The following ABI3 variants were observed in gnomAD, a reference collection of about 807,000 sequenced individuals.
The protein encoded by ABI3 is ABI gene family member 3.
Under a neutral mutation model 37.0 loss-of-function variants are expected in ABI3, and 24 were observed. That is an observed-to-expected ratio of 0.65 (90% confidence interval 0.47 to 0.91). The LOEUF is 0.91. ABI3 is among the 40% of genes least tolerant of loss of function. ABI3 has a pLI of 0.00. For synonymous variants in ABI3, 220 were observed against 211.8 expected (o/e 1.04, Z -0.34); for missense variants, 481 against 485.1 (o/e 0.99, Z 0.08).
At chr17:49,216,800 A>G in intron 2 of ABI3, 102 bp downstream of exon 2, 1 of 1,278,996 alleles carries the variant, frequency 7.8e-7, no homozygotes, top group Non-Finnish European at 1.0e-6. Context: ...GCTTTCCTCC[A>G]TGTCCAAATG....
At chr17:49,217,645 C>G (rs945980985) in intron 2 of ABI3, 94 bp from the exon 3 acceptor site, 21 of 1,214,384 alleles carry the variant, frequency 1.7e-5, no homozygotes, top group Non-Finnish European at 2.1e-5. Context: ...GGCTGCCTCC[C>G]CCCCCCAGCC....
chr17:49,216,303 C>A (rs1164330274), intron 1 of ABI3, among the ~76,000 whole-genome samples: 1 of 151,978 alleles, frequency 6.6e-6, no homozygotes, highest in Non-Finnish European at 1.5e-5. Context: ...CCCTTTGCAT[C>A]CATTCCCCAA....
Position 49,219,605 on chromosome 17 carries a change from ACCC to A in ABI3, c.529_531del (p.Pro177del). 6.3e-7 allele frequency: 1 copy of A among 1,594,842 alleles called. No individual in the cohort carries two copies. Among genetic ancestry groups the A allele is most frequent in the South Asian group, 1.1e-5 (1 of 88,984 alleles). On this transcript the variant is annotated inframe_deletion, in exon 4 of 8. Transcript: ENST00000225941. This position sits in a 1 kb window ranked among gnomAD's most constrained non-coding sequence, Gnocchi z 4.3. Reference sequence around the variant, plus strand: ...GAAAGAGCATCAAGGCCCCTGCCACACCCGCCTCCGCCACCTTGGGGTGAGGCC... The same window carrying A: ...GAAAGAGCATCAAGGCCCCTGCCACAGCCTCCGCCACCTTGGGGTGAGGCC...
chr17:49,222,704 C>T lies in ABI3; in HGVS notation c.1090C>T (p.Pro364Ser). ...TGFFPGNYVE[P>S]SC is the part of the protein sequence containing the mutation. ...ATTCTTCCCTGGGAACTATGTGGAG[C>T]CCAGCTGCTGACAGCCCAGGGCTCT... Residue 364 changes from proline to serine, a missense_variant, in exon 8 of 8, where the codon CCC becomes TCC. By Grantham distance (74) the Pro-to-Ser change is moderately conservative. Coordinates refer to ENST00000225941, the MANE Select transcript of ABI3 (RefSeq NM_016428.3). 1 of 1,571,822 alleles carries T rather than the reference C, an allele frequency of 6.4e-7. No homozygotes were observed. Among genetic ancestry groups the T allele is most frequent in the Non-Finnish European group, 8.6e-7 (1 of 1,158,882 alleles).
chr17:49,222,165 C>A lies in ABI3; in HGVS notation c.877C>A (p.Pro293Thr), dbSNP rs761344907. 1 of 1,613,830 alleles carries A rather than the reference C, an allele frequency of 6.2e-7. No individual in the cohort carries two copies. Among genetic ancestry groups the A allele is most frequent in the South Asian group, 1.1e-5 (1 of 91,036 alleles). The stretch of plus-strand genomic sequence containing the variant: ...TGGAGATGAATTGGGGCTGCCTCCA[C>A]CCCCACCAGGATTTGGGCCTGATGA... Reference protein sequence around the residue: ...LDGDELGLPPPPPGFGPDEPS... With the variant: ...LDGDELGLPPTPPGFGPDEPS... Residue 293 changes from proline (P) to threonine (T), a missense_variant, in exon 7 of 8, where the codon CCC becomes ACC. Physicochemically the swap from Pro to Thr is conservative, Grantham distance 38 (BLOSUM62 -1). Coordinates refer to ENST00000225941, the MANE Select transcript of ABI3 (RefSeq NM_016428.3).
In ABI3 at chr17:49,219,754, C is replaced by T; in HGVS notation, c.549-104C>T. On this transcript the variant is annotated intron_variant, in intron 4 of 7. Coordinates refer to ENST00000225941, the MANE Select transcript of ABI3 (RefSeq NM_016428.3). This position sits in a 1 kb window ranked among gnomAD's most constrained non-coding sequence, Gnocchi z 4.3. ...AGGCCGTCATGCTGGATGCCTGGCGCCAAACCTCCCCCTCGGCCACCTGCC... is the reference window on the plus strand; with the variant it reads ...AGGCCGTCATGCTGGATGCCTGGCGTCAAACCTCCCCCTCGGCCACCTGCC... The T allele has an allele frequency of 7.0e-7, 1 of 1,423,316 alleles. No homozygotes were observed. Among genetic ancestry groups the T allele is most frequent in the Non-Finnish European group, 9.6e-7 (1 of 1,042,662 alleles). 88.2% of individuals were successfully genotyped at this position (1,423,316 alleles called of 1,614,324 possible). A position where few individuals can be genotyped will look rare whatever the true frequency, so the allele number is the denominator to read the frequency against.
At chr17:49,214,032 A>G (rs193178557) in intron 1 of ABI3, among the ~76,000 whole-genome samples, 13 of 152,370 alleles carry the variant, frequency 8.5e-5, no homozygotes, top group East Asian at 3.9e-4. Flanking sequence ...GCAAATGAGC[A>G]TCTCTTTCCT....
At position 49,217,660 on chromosome 17, in the gene ABI3, C is replaced by G. The variant is rs184025831; in HGVS notation, c.286-79C>G. 8 of 1,394,568 alleles carry G rather than the reference C, an allele frequency of 5.7e-6. No individual in the cohort carries two copies. In the Admixed American group the frequency reaches 2.1e-4, roughly 36 times the overall value. The allele number at this position is 1,394,568 out of a possible 1,614,324, so 86.4% of individuals were successfully genotyped here. On this transcript the variant is annotated intron_variant, in intron 2 of 7. Coordinates refer to ENST00000225941, the MANE Select transcript of ABI3 (RefSeq NM_016428.3). The stretch of plus-strand genomic sequence containing the variant: ...GGCTGCCTCCCCCCCCCAGCCCAGT[C>G]TTTATCTTCTTCCTCCTTAGGGGGA...
intron 7 of ABI3, 126 bp from the exon 8 acceptor site, chr17:49,222,426 C>T (rs1019910015): frequency 3.6e-6 from 5 of 1,394,420 alleles, no homozygotes; most frequent in Middle Eastern, 2.1e-4. Flanking sequence ...TGAAGGCTTG[C>T]AAGAAGGCCC....
intron 1 of ABI3, among the ~76,000 whole-genome samples, chr17:49,212,641 C>T (rs1320185011): frequency 3.3e-5 from 5 of 152,184 alleles, no homozygotes; most frequent in African/African-American, 1.2e-4. Flanking sequence ...AGGCGAGTCC[C>T]ATGCCCACTT....
Position 49,219,731 on chromosome 17 carries a change from GC to G in ABI3, c.548+108del. On this transcript the variant is annotated intron_variant, in intron 4 of 7. Transcript: ENST00000225941. The surrounding 1 kb of genome is among the most constrained non-coding windows in gnomAD (Gnocchi z 4.3). Reference sequence around the variant, plus strand: ...ACCCCTGGCGCCCCCGGGTGCTCAGGCCGTCATGCTGGATGCCTGGCGCCAA... The same window carrying G: ...ACCCCTGGCGCCCCCGGGTGCTCAGGCGTCATGCTGGATGCCTGGCGCCAA... 1 of 1,419,988 alleles carries G rather than the reference GC, an allele frequency of 7.0e-7. No individual in the cohort carries two copies. The allele number at this position is 1,419,988 out of a possible 1,614,324, so 88.0% of individuals were successfully genotyped here. A position where few individuals can be genotyped will look rare whatever the true frequency, so the allele number is the denominator to read the frequency against.
At position 49,223,142 on chromosome 17, in the gene ABI3, C is replaced by T; in HGVS notation, c.*427C>T. The T allele has an allele frequency of 2.4e-6, 1 of 416,766 alleles. No individual in the cohort carries two copies. The highest frequency in any genetic ancestry group is 9.7e-5 in the South Asian group (1 of 10,314). 25.8% of individuals were successfully genotyped at this position (416,766 alleles called of 1,614,324 possible). A position where few individuals can be genotyped will look rare whatever the true frequency, so the allele number is the denominator to read the frequency against. ...CCTAGAAGCAGCATCTTCCCATTTC[C>T]TCAGTACCCACAAAGTGCAGCCCAC... On this transcript the variant is annotated 3_prime_UTR_variant, in exon 8 of 8. Coordinates refer to ENST00000225941, the MANE Select transcript of ABI3 (RefSeq NM_016428.3).
intron 6 of ABI3, 49 bp downstream of exon 6, chr17:49,220,375 C>T (rs1361461874): frequency 2.6e-6 from 4 of 1,521,278 alleles, no homozygotes; most frequent in Non-Finnish European, 3.5e-6. Context: ...GCTTTTCTGC[C>T]TCCTGCCACT....
intron 3 of ABI3, 36 bp downstream of exon 3, chr17:49,217,951 A>C: frequency 1.4e-6 from 2 of 1,468,186 alleles, no homozygotes; most frequent in South Asian, 1.4e-5. Context: ...CCTCCAACCC[A>C]CCCTCTCGTG....
intron 6 of ABI3, among the ~76,000 whole-genome samples, chr17:49,221,287 G>A (rs182140871): frequency 0.27 from 41,070 of 150,878 alleles, 6,509 homozygotes; most frequent in African/African-American, 0.45. Context: ...TGGCTAACAT[G>A]GTGAAACCCT....
At position 49,216,670 on chromosome 17, in the gene ABI3, T is replaced by TG; in HGVS notation, c.259dup (p.Glu87GlyfsTer201). 1 of 1,592,044 alleles carries TG rather than the reference T, an allele frequency of 6.3e-7. No individual in the cohort carries two copies. Among genetic ancestry groups the TG allele is most frequent in the Non-Finnish European group, 8.5e-7 (1 of 1,170,222 alleles). On this transcript the variant is annotated frameshift_variant, in exon 2 of 8. Coordinates refer to ENST00000225941, the MANE Select transcript of ABI3 (RefSeq NM_016428.3). LOFTEE classifies it high-confidence loss of function. Reference sequence around the variant, plus strand: ...CTGCAGGGGGCCGCCCTGCGGCAGGTGGAAGCCCGTGTAAGCACGCTGGGC... The same window carrying TG: ...CTGCAGGGGGCCGCCCTGCGGCAGGTGGGAAGCCCGTGTAAGCACGCTGGGC...
intron 1 of ABI3, among the ~76,000 whole-genome samples, chr17:49,213,436 G>A (rs887518907): frequency 6.6e-6 from 1 of 152,136 alleles, no homozygotes; most frequent in Non-Finnish European, 1.5e-5. Flanking sequence ...CAGAACTTCT[G>A]TTACCTAAGG....
Position 49,222,843 on chromosome 17 carries a change from C to A in ABI3, c.*128C>A. 9.1e-7 allele frequency: 1 copy of A among 1,101,614 alleles called. No individual in the cohort carries two copies. The highest frequency in any genetic ancestry group is 1.3e-6 in the Non-Finnish European group (1 of 791,244). 68.2% of individuals were successfully genotyped at this position (1,101,614 alleles called of 1,614,324 possible). ...CTTGGGCTGTGAGCTGTGTTCTGTC[C>A]TTCCTCCCATCGGAGGGAGAAGGGG... On this transcript the variant is annotated 3_prime_UTR_variant, in exon 8 of 8. Coordinates refer to ENST00000225941, the MANE Select transcript of ABI3 (RefSeq NM_016428.3).
At position 49,222,831 on chromosome 17, in the gene ABI3, C is replaced by A; in HGVS notation, c.*116C>A. ...GTCTGCCCACCTCTTGGGCTGTGAG[C>A]TGTGTTCTGTCCTTCCTCCCATCGG... On this transcript the variant is annotated 3_prime_UTR_variant, in exon 8 of 8. Coordinates refer to ENST00000225941, the MANE Select transcript of ABI3 (RefSeq NM_016428.3). 8.3e-7 allele frequency: 1 copy of A among 1,201,700 alleles called. No homozygotes were observed. The highest frequency in any genetic ancestry group is 1.1e-6 in the Non-Finnish European group (1 of 871,926). 74.4% of individuals were successfully genotyped at this position (1,201,700 alleles called of 1,614,324 possible). A position where few individuals can be genotyped will look rare whatever the true frequency, so the allele number is the denominator to read the frequency against.
Sources: allele counts gnomAD v4.1 joint callset (sites outside exome capture counted in the v4.1 genomes callset), GRCh38; gene constraint gnomAD v4.1.1; non-coding constraint Gnocchi (gnomAD v3.1); transcripts MANE v1.5; gene names NCBI Gene and HGNC (gene_info 2026-07-23, HGNC 2026-07-21).